Variants in SLC12A4 observed in about 807,000 individuals in gnomAD.
SLC12A4 encodes the protein electroneutral potassium-chloride cotransporter 1.
A neutral mutation model predicts 119.2 loss-of-function variants in SLC12A4; 84 were observed. That is an observed-to-expected ratio of 0.70 (90% confidence interval 0.59 to 0.85). SLC12A4 has a LOEUF of 0.85. Ranked by LOEUF, SLC12A4 falls within the 40% of genes least tolerant of loss-of-function variation. The pLI is 0.00. For synonymous variants in SLC12A4, 599 were observed against 604.6 expected, an observed-to-expected ratio of 0.99 and a Z score of 0.14; for missense variants, 1,298 against 1,476.3, an observed-to-expected ratio of 0.88 and a Z score of 1.98.
chr16:67,957,186 TTGC>T (rs1194567477), intron 5 of SLC12A4, among the ~76,000 whole-genome samples: 1 of 151,108 alleles, frequency 6.6e-6, no homozygotes, highest in Non-Finnish European at 1.5e-5. Context: ...TTTTTTTTTT[TTGC>T]GACGGAGTCT....
Position 67,952,211 on chromosome 16 carries a change from T to G in SLC12A4, c.890A>C (p.Lys297Thr). 6.2e-7 allele frequency: 1 copy of G among 1,614,064 alleles called. No homozygotes were observed. Among genetic ancestry groups the G allele is most frequent in the African/African-American group, 1.3e-5 (1 of 75,018 alleles). ...SILSIYAGGI[K>T]SIFDPPVFPV... ...AAACACGGGAGGGTCAAATATAGAC[T>G]TTATGCCCCCAGCATAGATGGAGAG... The change falls in exon 7 of 24, where the codon AAG (lysine) becomes ACG (threonine). Residue 297 changes from lysine (K) to threonine (T), a missense_variant. Lys to Thr is a moderately conservative substitution (Grantham distance 78). Coordinates refer to ENST00000316341, the MANE Select transcript of SLC12A4 (RefSeq NM_005072.5).
rs1325751275 is a variant in SLC12A4 at position 67,951,724 on chromosome 16, G to T, written c.1132+99C>A. 5 of 1,128,126 alleles carry T rather than the reference G, an allele frequency of 4.4e-6. No homozygotes were observed. The highest frequency in any genetic ancestry group is 1.5e-5 in the African/African-American group (1 of 64,974). The allele number at this position is 1,128,126 out of a possible 1,614,324, so 69.9% of individuals were successfully genotyped here. ...GGGGGCTGGGAAGGCGGCCAGTCCT[G>T]CCCCCGTTCCCAAGCTGGCCACACA... On this transcript the variant is annotated intron_variant, in intron 8 of 23. Coordinates refer to ENST00000316341, the MANE Select transcript of SLC12A4 (RefSeq NM_005072.5). This position sits in a 1 kb window ranked among gnomAD's most constrained non-coding sequence, Gnocchi z 5.2.
rs369158112 is a variant in SLC12A4, at chr16:67,952,379, T to C, written c.722A>G (p.His241Arg). 6 of 1,614,090 alleles carry C rather than the reference T, an allele frequency of 3.7e-6. No homozygotes were observed. Among genetic ancestry groups the C allele is most frequent in the East Asian group, 2.2e-5 (1 of 44,904 alleles). Residue 241 changes from histidine to arginine, a missense_variant, in exon 7 of 24, where the codon CAT (histidine) becomes CGT (arginine). Transcript: ENST00000316341. ...GTTCAAAGTGGCATTCGACGTGTCA[T>C]GAGCACCCGATGGGTAAAAAATGGC... ...PAAIFYPSGAHDTSNATLNNM... is the reference protein window; with the variant it reads ...PAAIFYPSGARDTSNATLNNM...
At chr16:67,948,297 G>C (rs2058375231) in intron 13 of SLC12A4, 138 bp from the exon 14 acceptor site, 1 of 707,980 alleles carries the variant, frequency 1.4e-6, no homozygotes, top group Non-Finnish European at 2.4e-6. Context: ...CAACCTCATT[G>C]CTGCCACCTC....
At chr16:67,963,835 CTG>C (rs2030715820) in intron 1 of SLC12A4, 2 of 1,490,752 alleles carry the variant, frequency 1.3e-6, no homozygotes, top group African/African-American at 2.8e-5. Flanking sequence ...CGTATGGACA[CTG>C]AGGGACGGGG....
intron 2 of SLC12A4, 143 bp from the exon 3 acceptor site, chr16:67,961,849 C>T: frequency 1.9e-6 from 2 of 1,072,610 alleles, no homozygotes; most frequent in Admixed American, 2.2e-5. Flanking sequence ...GAAGTCCAAG[C>T]CATCCAACTG....
chr16:67,955,582 A>G (rs2030212783), intron 5 of SLC12A4, among the ~76,000 whole-genome samples: 1 of 151,630 alleles, frequency 6.6e-6, no homozygotes, highest in South Asian at 2.1e-4. Context: ...TGATAAAAAT[A>G]TACATTTTTA....
rs993369221 is a variant in SLC12A4, at chr16:67,950,043, T to C, written c.1630-125A>G. ...GGGGCTCAGGCCGCCCCTGTGTCTA[T>C]CCCTATGGGTGTCACCAGTCTCCCT... On this transcript the variant is annotated intron_variant, in intron 12 of 23. Transcript: ENST00000316341. The surrounding 1 kb of genome is among the most constrained non-coding windows in gnomAD (Gnocchi z 4.3). 1 of 771,472 alleles carries C rather than the reference T, an allele frequency of 1.3e-6. No homozygotes were observed. Among genetic ancestry groups the C allele is most frequent in the Non-Finnish European group, 2.2e-6 (1 of 459,498 alleles). The allele number at this position is 771,472 out of a possible 1,614,324, so 47.8% of individuals were successfully genotyped here.
chr16:67,954,941 T>C (rs1395149861), intron 5 of SLC12A4, among the ~76,000 whole-genome samples, 168 bp from the exon 6 acceptor site: 1 of 152,144 alleles, frequency 6.6e-6, no homozygotes, highest in Admixed American at 6.5e-5. Context: ...TGGGTAAGCA[T>C]CTAGGCTGAC....
In SLC12A4 at chr16:67,951,977, T is replaced by A. The variant is rs775273299; in HGVS notation, c.978A>T (p.Thr326=). 19 of 1,614,112 alleles carry A rather than the reference T, an allele frequency of 1.2e-5. No homozygotes were observed. Among genetic ancestry groups the A allele is most frequent in the Middle Eastern group, 1.6e-4 (1 of 6,062 alleles). ...SRDQFDICAK[T]AVVDNETVAT... ...CCACTGTCTCATTGTCCACTACAGC[T>A]GTCTTGGCACAGATGTCAAACTGGT... The change falls in exon 8 of 24, where the codon ACA becomes ACT. Residue 326 remains threonine (T), a synonymous_variant. Transcript: ENST00000316341. The surrounding 1 kb of genome is among the most constrained non-coding windows in gnomAD (Gnocchi z 5.2).
At chr16:67,945,241 C>A (rs750376700) in intron 22 of SLC12A4, 21 bp from the exon 23 acceptor site, 9 of 1,551,744 alleles carry the variant, frequency 5.8e-6, no homozygotes, top group Non-Finnish European at 7.0e-6. Flanking sequence ...TGTAGCCAGT[C>A]ACAGGTCGCC....
chr16:67,963,387 G>C, intron 2 of SLC12A4, 78 bp downstream of exon 2: 2 of 863,202 alleles, frequency 2.3e-6, no homozygotes, highest in Non-Finnish European at 1.8e-6. Context: ...AGACAGAGGA[G>C]GCCCACGTGT....
intron 6 of SLC12A4, among the ~76,000 whole-genome samples, chr16:67,953,780 C>T (rs907400219): frequency 6.6e-6 from 1 of 152,118 alleles, no homozygotes; most frequent in Admixed American, 6.5e-5. Context: ...CAAAGTGGAA[C>T]AGTTTGAGCA....
In SLC12A4 at chr16:67,950,890, G is replaced by C. The variant is rs2058406761; in HGVS notation, c.1396+72C>G. 1 of 1,526,172 alleles carries C rather than the reference G, an allele frequency of 6.6e-7. No individual in the cohort carries two copies. Among genetic ancestry groups the C allele is most frequent in the Non-Finnish European group, 9.0e-7 (1 of 1,105,028 alleles). 94.5% of individuals were successfully genotyped at this position (1,526,172 alleles called of 1,614,324 possible). A position where few individuals can be genotyped will look rare whatever the true frequency, so the allele number is the denominator to read the frequency against. On this transcript the variant is annotated intron_variant, in intron 10 of 23. Coordinates refer to ENST00000316341, the MANE Select transcript of SLC12A4 (RefSeq NM_005072.5). This position sits in a 1 kb window ranked among gnomAD's most constrained non-coding sequence, Gnocchi z 4.3. ...GAGTGTGTGGGGTGTCTGTGCATGT[G>C]ACCTGGCAACGTACACAGGCCAAGC...
intron 1 of SLC12A4, chr16:67,963,860 C>T (rs924617252): frequency 6.5e-7 from 1 of 1,531,794 alleles, no homozygotes. Flanking sequence ...TGCAGAGGGG[C>T]GGGGCCAGCG....
chr16:67,950,209 C>T lies in SLC12A4; in HGVS notation c.1629+110G>A. ...GCTCCTCATGGATGGCCGCCTGGCCCCGGGGGCCAATAAGGGCAGGACGTG... is the reference window on the plus strand; with the variant it reads ...GCTCCTCATGGATGGCCGCCTGGCCTCGGGGGCCAATAAGGGCAGGACGTG... On this transcript the variant is annotated intron_variant, in intron 12 of 23. Transcript: ENST00000316341. The surrounding 1 kb of genome is among the most constrained non-coding windows in gnomAD (Gnocchi z 4.3). 7.4e-7 allele frequency: 1 copy of T among 1,350,756 alleles called. No homozygotes were observed. Among genetic ancestry groups the T allele is most frequent in the Non-Finnish European group, 1.0e-6 (1 of 993,684 alleles). The allele number at this position is 1,350,756 out of a possible 1,614,324, so 83.7% of individuals were successfully genotyped here.
chr16:67,950,119 T>C lies in SLC12A4; in HGVS notation c.1629+200A>G. 1 of 693,386 alleles carries C rather than the reference T, an allele frequency of 1.4e-6. No homozygotes were observed. Among genetic ancestry groups the C allele is most frequent in the South Asian group, 1.9e-5 (1 of 52,510 alleles). 43.0% of individuals were successfully genotyped at this position (693,386 alleles called of 1,614,324 possible). A position where few individuals can be genotyped will look rare whatever the true frequency, so the allele number is the denominator to read the frequency against. On this transcript the variant is annotated intron_variant, in intron 12 of 23. Transcript: ENST00000316341. The surrounding 1 kb of genome is among the most constrained non-coding windows in gnomAD (Gnocchi z 4.3). ...CTTTGGATGAGCCCTAAACAGGCCA[T>C]GAAGATTCTGGGTCCAGGCAGCTCC...
At chr16:67,952,858 C>T (rs895839188) in intron 6 of SLC12A4, among the ~76,000 whole-genome samples, 3 of 148,906 alleles carry the variant, frequency 2.0e-5, no homozygotes, top group South Asian at 2.1e-4. Context: ...GAGGCTGAGG[C>T]GGTGGATCAC....
chr16:67,950,011 CGCCT>C lies in SLC12A4; in HGVS notation c.1630-97_1630-94del. The C allele has an allele frequency of 9.9e-7, 1 of 1,010,848 alleles. No individual in the cohort carries two copies. The highest frequency in any genetic ancestry group is 1.5e-6 in the Non-Finnish European group (1 of 655,724). 62.6% of individuals were successfully genotyped at this position (1,010,848 alleles called of 1,614,324 possible). A position where few individuals can be genotyped will look rare whatever the true frequency, so the allele number is the denominator to read the frequency against. ...CCTGGCCTCCCTCACCCCCAGGGCC[CGCCT>C]TGGGGGCTCAGGCCGCCCCTGTGTC... On this transcript the variant is annotated intron_variant, in intron 12 of 23. Coordinates refer to ENST00000316341, the MANE Select transcript of SLC12A4 (RefSeq NM_005072.5). This position sits in a 1 kb window ranked among gnomAD's most constrained non-coding sequence, Gnocchi z 4.3.
Sources: gnomAD v4.1 joint callset for allele counts (sites outside exome capture counted in the v4.1 genomes callset) on GRCh38, gnomAD v4.1.1 for gene constraint, Gnocchi (gnomAD v3.1) non-coding constraint, MANE v1.5 for transcripts, NCBI Gene and HGNC (gene_info 2026-07-23, HGNC 2026-07-21) for gene names.